CLOCK: variants seen among roughly 807,000 people sequenced by gnomAD.
CLOCK encodes the protein clock circadian regulator, also known as circadian locomoter output cycles protein kaput.
CLOCK carries 43 observed loss-of-function variants against 118.4 expected under a neutral mutation model. The ratio of observed to expected loss-of-function variants is 0.36; its 90% CI spans 0.28 to 0.47. The LOEUF (loss-of-function observed/expected upper bound fraction) is 0.47. CLOCK is among the 20% of genes least tolerant of loss of function. The pLI is 1.00. For synonymous variants in CLOCK, 326 were observed against 339.2 expected (o/e 0.96, Z 0.43); for missense variants, 846 against 999.9 (o/e 0.85, Z 2.08).
At chr4:55,524,859 G>A (rs770532267) in intron 1 of CLOCK, among the ~76,000 whole-genome samples, 9 of 151,858 alleles carry the variant, frequency 5.9e-5, no homozygotes, top group Non-Finnish European at 7.4e-5. Flanking sequence ...AGCTGAAAGC[G>A]GCCTACAATG....
At chr4:55,542,023 C>A (rs1256455607) in intron 1 of CLOCK, among the ~76,000 whole-genome samples, 2 of 144,660 alleles carry the variant, frequency 1.4e-5, no homozygotes, top group Non-Finnish European at 3.0e-5. Context: ...TAAAATCTAT[C>A]ATTTTCCACC....
chr4:55,456,580 T>C (rs1488627206), intron 11 of CLOCK, among the ~76,000 whole-genome samples: 1 of 152,130 alleles, frequency 6.6e-6, no homozygotes, highest in Non-Finnish European at 1.5e-5. Flanking sequence ...CAGGATCACT[T>C]GAACCCAGGA....
intron 6 of CLOCK, among the ~76,000 whole-genome samples, chr4:55,478,357 C>A (rs1243353391): frequency 1.3e-5 from 2 of 151,922 alleles, no homozygotes; most frequent in Non-Finnish European, 2.9e-5. Flanking sequence ...CATAATTTTC[C>A]AACACAAACA....
intron 1 of CLOCK, among the ~76,000 whole-genome samples, chr4:55,534,929 A>T (rs868181696): frequency 2.8e-4 from 37 of 134,232 alleles, no homozygotes; most frequent in African/African-American, 9.4e-4. Flanking sequence ...TAAAGTGAGA[A>T]TTTTTTTTTT....
At chr4:55,477,751 G>C (rs1726618340) in intron 6 of CLOCK, among the ~76,000 whole-genome samples, 1 of 152,052 alleles carries the variant, frequency 6.6e-6, no homozygotes, top group South Asian at 2.1e-4. Flanking sequence ...AAGAGAAAGA[G>C]TGTACAGAAA....
In CLOCK at chr4:55,498,101, T is replaced by C. The variant is rs572519710; in HGVS notation, c.-135-8636A>G. Among the ~76,000 whole-genome samples the C allele has an allele frequency of 5.9e-5, 9 of 152,324 alleles. No homozygotes were observed. In the South Asian group the frequency reaches 1.0e-3, roughly 18 times the overall value. On this transcript the variant is annotated intron_variant, in intron 2 of 22. Transcript: ENST00000513440. The stretch of plus-strand genomic sequence containing the variant: ...CAATGCTAGGTTTAGAGCTAATTCA[T>C]GAGTTGTTTAATAACATACAACTAA...
intron 8 of CLOCK, among the ~76,000 whole-genome samples, chr4:55,466,770 T>C (rs1157858723): frequency 6.6e-6 from 1 of 152,208 alleles, no homozygotes; most frequent in African/African-American, 2.4e-5. Context: ...TAAATGAGGC[T>C]GACCATACTT....
intron 11 of CLOCK, among the ~76,000 whole-genome samples, chr4:55,458,226 AATTTTTTGT>A (rs1010578018): frequency 1.3e-5 from 2 of 152,090 alleles, no homozygotes; most frequent in Non-Finnish European, 2.9e-5. Context: ...ATGCCTGGCT[AATTTTTTGT>A]ATTTTTTGTA....
At chr4:55,461,481 T>C (rs368380900) in intron 9 of CLOCK, among the ~76,000 whole-genome samples, 61 of 152,348 alleles carry the variant, frequency 4.0e-4, no homozygotes, top group African/African-American at 1.4e-3. Context: ...TCATAGCTAC[T>C]GTACCAGGCA....
chr4:55,473,627 C>T lies in CLOCK; in HGVS notation c.348+2336G>A, dbSNP rs114595175. On this transcript the variant is annotated intron_variant, in intron 7 of 22. Coordinates refer to ENST00000513440, the MANE Select transcript of CLOCK (RefSeq NM_004898.4). ...GCATACCTTGTTTTATTGTGCTTCG[C>T]TTTATTGAACTTCAGTTACTGGGTT... Among the ~76,000 whole-genome samples, 641 of 152,198 alleles carry T rather than the reference C, an allele frequency of 4.2e-3. 6 individuals are homozygous for T. Among genetic ancestry groups the T allele is most frequent in the African/African-American group, 0.015 (614 of 41,532 alleles).
intron 11 of CLOCK, among the ~76,000 whole-genome samples, chr4:55,457,166 A>AG (rs1724980888): frequency 6.6e-6 from 1 of 152,142 alleles, no homozygotes; most frequent in Admixed American, 6.6e-5. Context: ...CAAATATCTG[A>AG]ATGTCCTCAT....
chr4:55,492,116 T>G (rs11939815), intron 2 of CLOCK, among the ~76,000 whole-genome samples: 88,858 of 151,980 alleles, frequency 0.58, 27,584 homozygotes, highest in South Asian at 0.81. Context: ...CAATATTCCT[T>G]ATGCATATTG....
chr4:55,520,479 G>C (rs1295574888), intron 1 of CLOCK, among the ~76,000 whole-genome samples: 1 of 152,150 alleles, frequency 6.6e-6, no homozygotes, highest in Non-Finnish European at 1.5e-5. Context: ...ATCTGCTTTT[G>C]TAGTATGAAC....
At chr4:55,544,616 T>C (rs1731489724) in intron 1 of CLOCK, among the ~76,000 whole-genome samples, 1 of 152,132 alleles carries the variant, frequency 6.6e-6, no homozygotes, top group Non-Finnish European at 1.5e-5. Flanking sequence ...TGAAAAGCAA[T>C]CATATTGAAA....
At chr4:55,505,161 C>CAAA (rs36120601) in intron 2 of CLOCK, among the ~76,000 whole-genome samples, 22,177 of 141,106 alleles carry the variant, frequency 0.16, 2,212 homozygotes, top group Non-Finnish European at 0.21. Flanking sequence ...ACCCCCCCAC[C>CAAA]AAAAAAAAAA....
intron 2 of CLOCK, among the ~76,000 whole-genome samples, chr4:55,496,578 A>G (rs1479990704): frequency 6.6e-6 from 1 of 152,238 alleles, no homozygotes; most frequent in African/African-American, 2.4e-5. Context: ...TGTGCTGACT[A>G]TAAAAACTTT....
At chr4:55,530,403 C>G (rs1222236298) in intron 1 of CLOCK, among the ~76,000 whole-genome samples, 3 of 152,052 alleles carry the variant, frequency 2.0e-5, no homozygotes, top group Non-Finnish European at 4.4e-5. Context: ...AATTATGACC[C>G]AGGCCAAAGC....
intron 7 of CLOCK, among the ~76,000 whole-genome samples, chr4:55,472,081 T>C (rs908671811): frequency 4.0e-5 from 6 of 151,236 alleles, no homozygotes; most frequent in African/African-American, 1.2e-4. Flanking sequence ...AAAATAGTAA[T>C]AAAAATTGAA....
intron 1 of CLOCK, among the ~76,000 whole-genome samples, chr4:55,528,675 GAA>G: frequency 6.6e-6 from 1 of 152,332 alleles, no homozygotes; most frequent in South Asian, 2.1e-4. Flanking sequence ...ATCTACACAT[GAA>G]AGGACTACAG....
Sources: gnomAD v4.1 joint callset for allele counts (sites outside exome capture counted in the v4.1 genomes callset) on GRCh38, gnomAD v4.1.1 for gene constraint, MANE v1.5 for transcripts, NCBI Gene and HGNC (gene_info 2026-07-23, HGNC 2026-07-21) for gene names.